LGR6: variants seen among roughly 807,000 people sequenced by gnomAD.
LGR6 encodes the protein leucine rich repeat containing G protein-coupled receptor 6.
LGR6 carries 45 observed loss-of-function variants against 69.4 expected under a neutral mutation model. The observed-to-expected ratio is 0.65, with a 90% CI of 0.51 to 0.83. LGR6 has a LOEUF of 0.83. Among genes scored for constraint, LGR6 ranks in the 40% least tolerant of loss-of-function variants. LGR6 has a pLI of 0.00. For missense variants in LGR6, 1,108 were observed against 1,246.7 expected, an observed-to-expected ratio of 0.89 and a Z score of 1.68; for synonymous variants, 538 against 555.0, an observed-to-expected ratio of 0.97 and a Z score of 0.43.
At position 202,306,862 on chromosome 1, in the gene LGR6, C is replaced by T. The variant is rs1219720437; in HGVS notation, c.1137-6C>T. The T allele has an allele frequency of 6.2e-7, 1 of 1,613,874 alleles. No homozygotes were observed. Among genetic ancestry groups the T allele is most frequent in the South Asian group, 1.1e-5 (1 of 91,074 alleles). ...CCGGCTCATCCAGCCTCTCTTGCTGCCCTAGCGGCCTCCAACACAACCGCA... is the reference window on the plus strand; with the variant it reads ...CCGGCTCATCCAGCCTCTCTTGCTGTCCTAGCGGCCTCCAACACAACCGCA... On this transcript the variant is annotated splice_polypyrimidine_tract_variant and splice_region_variant and intron_variant, in intron 12 of 17. Transcript: ENST00000367278.
At chr1:202,305,900 G>A in intron 12 of LGR6, 151 bp downstream of exon 12, 1 of 710,246 alleles carries the variant, frequency 1.4e-6, no homozygotes, top group Non-Finnish European at 2.4e-6. Context: ...CCAGAGTTTA[G>A]GGCTGAGAGC....
At chr1:202,202,564 C>T (rs1658874544) in intron 1 of LGR6, among the ~76,000 whole-genome samples, 1 of 152,238 alleles carries the variant, frequency 6.6e-6, no homozygotes, top group Non-Finnish European at 1.5e-5. Flanking sequence ...CCTCTCTCAG[C>T]TTCTGTTTTC....
intron 4 of LGR6, among the ~76,000 whole-genome samples, chr1:202,261,417 C>G (rs570679843): frequency 6.6e-6 from 1 of 152,206 alleles, no homozygotes; most frequent in African/African-American, 2.4e-5. Context: ...ATGAACTCAT[C>G]ATTTTTTATG....
At position 202,319,169 on chromosome 1, in the gene LGR6, T is replaced by C. The variant is rs1654435379; in HGVS notation, c.2866T>C (p.Phe956Leu). ...TGGAGGCTTGTCAGGGGGTGGCGGC[T>C]TTCAGCCCTCTGGCTTGGCCTTTGC... ...AGGGLSGGGGFQPSGLAFASH... is the reference protein window; with the variant it reads ...AGGGLSGGGGLQPSGLAFASH... The change falls in exon 18 of 18, where the codon TTT (phenylalanine) becomes CTT (leucine). Residue 956 changes from phenylalanine (F) to leucine (L), a missense_variant. By Grantham distance (22) the Phe-to-Leu change is conservative (BLOSUM62 0). Transcript: ENST00000367278. 6.2e-7 allele frequency: 1 copy of C among 1,612,266 alleles called. No homozygotes were observed. Among genetic ancestry groups the C allele is most frequent in the African/African-American group, 1.3e-5 (1 of 74,890 alleles).
intron 9 of LGR6, among the ~76,000 whole-genome samples, chr1:202,302,014 C>T (rs758995937): frequency 2.4e-4 from 37 of 151,880 alleles, no homozygotes; most frequent in African/African-American, 2.9e-4. Context: ...AATGAAACTC[C>T]GTCTCAAAAT....
At position 202,261,447 on chromosome 1, in the gene LGR6, C is replaced by T. The variant is rs1418814528; in HGVS notation, c.429-14859C>T. On this transcript the variant is annotated intron_variant, in intron 4 of 17. Coordinates refer to ENST00000367278, the MANE Select transcript of LGR6 (RefSeq NM_001017403.2). ...TTTATGGCTGCATAGTATTCCATGG[C>T]GTGTATGTGCCACATTTTCTTAATC... 5.9e-5 allele frequency among the ~76,000 whole-genome samples: 9 copies of T among 152,144 alleles called. No homozygotes were observed. In the East Asian group the frequency reaches 7.7e-4, roughly 13 times the overall value.
chr1:202,247,517 C>T (rs1467949183), intron 4 of LGR6, among the ~76,000 whole-genome samples: 5 of 152,148 alleles, frequency 3.3e-5, no homozygotes, highest in Non-Finnish European at 5.9e-5. Flanking sequence ...TTTTGTACCC[C>T]CGCAGTCACT....
At chr1:202,245,710 G>GC (rs1354958627) in intron 4 of LGR6, among the ~76,000 whole-genome samples, 44 of 152,122 alleles carry the variant, frequency 2.9e-4, no homozygotes, top group Admixed American at 2.9e-3. Flanking sequence ...GTGCAATTAA[G>GC]CCCCCAGTCG....
intron 4 of LGR6, among the ~76,000 whole-genome samples, chr1:202,255,460 A>G (rs1172066211): frequency 6.6e-6 from 1 of 152,030 alleles, no homozygotes; most frequent in Non-Finnish European, 1.5e-5. Context: ...ATCCCTTTCC[A>G]CTGCCTGCTC....
chr1:202,220,744 C>T (rs1660100108), intron 1 of LGR6, among the ~76,000 whole-genome samples: 1 of 152,100 alleles, frequency 6.6e-6, no homozygotes, highest in Non-Finnish European at 1.5e-5. Flanking sequence ...TCTGGGAGCA[C>T]CTCACAAAGG....
chr1:202,205,119 T>C (rs1359897142), intron 1 of LGR6, among the ~76,000 whole-genome samples: 1 of 35,312 alleles, frequency 2.8e-5, no homozygotes. Flanking sequence ...AACACACACC[T>C]AACACACCTC....
chr1:202,265,777 G>A (rs1664595609), intron 4 of LGR6, among the ~76,000 whole-genome samples: 1 of 152,220 alleles, frequency 6.6e-6, no homozygotes, highest in South Asian at 2.1e-4. Context: ...TCTGAACAAT[G>A]CTGAAAGTGC....
rs1279283117 is a variant in LGR6 at position 202,194,090 on chromosome 1, C to T, written c.101C>T (p.Ala34Val). ...CCCCAGCCCGGCCCGGGGCCCACCGCCTGCCCGGCCCCCTGCCACTGCCAG... is the reference window on the plus strand; with the variant it reads ...CCCCAGCCCGGCCCGGGGCCCACCGTCTGCCCGGCCCCCTGCCACTGCCAG... ...GAPQPGPGPT[A>V]CPAPCHCQED... is the part of the protein sequence containing the mutation. The change falls in exon 1 of 18, where the codon GCC (alanine) becomes GTC (valine). Residue 34 changes from alanine to valine, a missense_variant. Ala to Val is a moderately conservative substitution (Grantham distance 64). Coordinates refer to ENST00000367278, the MANE Select transcript of LGR6 (RefSeq NM_001017403.2). 1 of 1,521,782 alleles carries T rather than the reference C, an allele frequency of 6.6e-7. No homozygotes were observed. Among genetic ancestry groups the T allele is most frequent in the Non-Finnish European group, 8.7e-7 (1 of 1,143,790 alleles). 94.3% of individuals were successfully genotyped at this position (1,521,782 alleles called of 1,614,324 possible).
intron 4 of LGR6, among the ~76,000 whole-genome samples, chr1:202,245,954 CCATT>C (rs555653021): frequency 1.3e-5 from 2 of 151,572 alleles, no homozygotes; most frequent in African/African-American, 2.4e-5. Context: ...ATCCATCCAT[CCATT>C]CATCCATCCC....
chr1:202,319,108 ACTG>A lies in LGR6; in HGVS notation c.2812_2814del (p.Leu938del), dbSNP rs751137413. The A allele has an allele frequency of 2.5e-6, 4 of 1,614,206 alleles. No individual in the cohort carries two copies. Among genetic ancestry groups the A allele is most frequent in the East Asian group, 2.2e-5 (1 of 44,876 alleles). On this transcript the variant is annotated inframe_deletion, in exon 18 of 18. Transcript: ENST00000367278. ...ACCCCCAACCCTCCATGGATGGAGA[ACTG>A]CTGCTGAGGGCAGAGGGATCTACGC...
intron 1 of LGR6, chr1:202,203,688 C>T (rs1224741847): frequency 5.7e-6 from 5 of 870,086 alleles, no homozygotes; most frequent in East Asian, 2.5e-5. Context: ...GTGAGAAATA[C>T]ACCCAGGCAG....
intron 17 of LGR6, among the ~76,000 whole-genome samples, chr1:202,315,672 C>T (rs1654089783): frequency 2.0e-5 from 3 of 152,206 alleles, no homozygotes; most frequent in African/African-American, 7.2e-5. Flanking sequence ...AGTTTTCCAG[C>T]TTTCTCTGGC....
At chr1:202,204,763 C>A (rs111068367) in intron 1 of LGR6, among the ~76,000 whole-genome samples, 13 of 712 alleles carry the variant, frequency 0.018, no homozygotes, top group Admixed American at 0.042. Flanking sequence ...ACACACACAC[C>A]CCTCCTTCAA....
chr1:202,285,012 G>T (rs1666292322), intron 6 of LGR6, among the ~76,000 whole-genome samples: 3 of 152,224 alleles, frequency 2.0e-5, no homozygotes, highest in Non-Finnish European at 4.4e-5. Flanking sequence ...TCTGGCCCCA[G>T]CTCTCTCTCT....
Sources: allele counts gnomAD v4.1 joint callset (sites outside exome capture counted in the v4.1 genomes callset), GRCh38; gene constraint gnomAD v4.1.1; transcripts MANE v1.5; gene names NCBI Gene and HGNC (gene_info 2026-07-23, HGNC 2026-07-21).